Variants in RAD52 observed in about 807,000 individuals in gnomAD.
RAD52 encodes RAD52 DNA repair protein, also known as DNA repair protein RAD52 homolog.
RAD52 carries 47 observed loss-of-function variants against 55.5 expected under a neutral mutation model. That is an observed-to-expected ratio of 0.85 (90% confidence interval 0.67 to 1.08). The LOEUF is 1.08. RAD52 is among the 50% of genes least tolerant of loss of function. The probability of loss-of-function intolerance (pLI) is 0.00; values close to 1 mark genes in which losing one functional copy is unlikely to be tolerated. For synonymous variants in RAD52, 184 were observed against 198.9 expected (o/e 0.92, Z 0.63); for missense variants, 468 against 522.8 (o/e 0.90, Z 1.02).
rs1229652871 is a variant in RAD52 at position 985,534 on chromosome 12, T to G, written c.-19+4275A>C. On this transcript the variant is annotated intron_variant, in intron 1 of 11. Coordinates refer to the RAD52 transcript ENST00000430095. ...AGCCATGAAGATTTATACCTATATT[T>G]TCTTCTATGAGTATTTTAGCTTAAG... is the stretch of plus-strand genomic sequence containing the variant. Among the ~76,000 whole-genome samples, 3 of 152,218 alleles carry G rather than the reference T, an allele frequency of 2.0e-5. No homozygotes were observed. The East Asian group carries it at 5.8e-4, about 29-fold the overall frequency.
At chr12:954,863 C>G (rs1958583595) in intron 1 of RAD52, among the ~76,000 whole-genome samples, 2 of 152,156 alleles carry the variant, frequency 1.3e-5, no homozygotes, top group African/African-American at 4.8e-5. Context: ...AGGGACATAT[C>G]TAAAGCATTC....
intron 1 of RAD52, among the ~76,000 whole-genome samples, chr12:966,093 C>T (rs1306139746): frequency 6.6e-6 from 1 of 152,062 alleles, no homozygotes; most frequent in South Asian, 2.1e-4. Context: ...CCTCCCAACT[C>T]AGCCTCTGGA....
chr12:986,262 T>C (rs1043834157), intron 1 of RAD52, among the ~76,000 whole-genome samples: 2 of 151,394 alleles, frequency 1.3e-5, no homozygotes, highest in East Asian at 3.9e-4. Flanking sequence ...CAGGGTCTCG[T>C]TATGTTGCCC....
At chr12:932,812 CTCACACACGTACTAG>C (rs1565672948) in intron 2 of RAD52, among the ~76,000 whole-genome samples, 148 bp downstream of exon 2, 1 of 27,508 alleles carries the variant, frequency 3.6e-5, no homozygotes, top group East Asian at 8.6e-4. Context: ...CTAGGTACTG[CTCACACACGTACTAG>C]GTAAACGTAC....
chr12:941,387 C>T (rs1029020193), intron 1 of RAD52, among the ~76,000 whole-genome samples: 3 of 151,842 alleles, frequency 2.0e-5, no homozygotes, highest in Admixed American at 6.6e-5. Flanking sequence ...GGCACCATCT[C>T]GGCTCACTGC....
intron 6 of RAD52, 40 bp downstream of exon 6, chr12:927,105 G>T: frequency 6.3e-7 from 1 of 1,582,880 alleles, no homozygotes; most frequent in Non-Finnish European, 8.7e-7. Context: ...TGAAGCAAGA[G>T]CTGAAATGAC....
chr12:945,275 C>T (rs1348159829), intron 1 of RAD52, among the ~76,000 whole-genome samples: 2 of 151,264 alleles, frequency 1.3e-5, no homozygotes, highest in African/African-American at 4.9e-5. Flanking sequence ...CGCTTGAATC[C>T]AGGAGGCGAA....
chr12:944,776 T>TTTG (rs1565689353), intron 1 of RAD52, among the ~76,000 whole-genome samples: 5 of 150,652 alleles, frequency 3.3e-5, no homozygotes, highest in African/African-American at 4.9e-5. Flanking sequence ...CTTTCTTTTT[T>TTTG]TTTTTTTTTG....
At chr12:950,072 C>G (rs1394392951), upstream of RAD52, among the ~76,000 whole-genome samples, 1 of 152,226 alleles carries the variant, frequency 6.6e-6, no homozygotes, top group Non-Finnish European at 1.5e-5. Context: ...GCCCGCCCAC[C>G]CATGCACAAT....
At chr12:948,581 C>G (rs1186963819) in intron 1 of RAD52, among the ~76,000 whole-genome samples, 1 of 152,152 alleles carries the variant, frequency 6.6e-6, no homozygotes, top group Non-Finnish European at 1.5e-5. Flanking sequence ...TCGCTTGAAC[C>G]CAGGAGGCGG....
At chr12:972,267 T>TAC (rs151263363) in intron 1 of RAD52, among the ~76,000 whole-genome samples, 1,543 of 152,174 alleles carry the variant, frequency 0.01, 9 homozygotes, top group African/African-American at 0.021. Context: ...GCAAGCATAG[T>TAC]ACACACACAC....
intron 1 of RAD52, among the ~76,000 whole-genome samples, chr12:961,155 C>T (rs939607771): frequency 6.6e-6 from 1 of 151,096 alleles, no homozygotes; most frequent in Non-Finnish European, 1.5e-5. Context: ...ACTAAAAGTA[C>T]AAAAATTAGC....
At chr12:974,778 T>C (rs1184138120) in intron 1 of RAD52, 1 of 152,244 alleles carries the variant, frequency 6.6e-6, no homozygotes, top group East Asian at 1.9e-4. Flanking sequence ...ATACTTATAA[T>C]AACTTTACAA....
At chr12:979,797 C>T (rs1461126202) in intron 1 of RAD52, among the ~76,000 whole-genome samples, 5 of 152,118 alleles carry the variant, frequency 3.3e-5, no homozygotes, top group Admixed American at 3.3e-4. Context: ...CCTGTAATCC[C>T]AGCACTTTGG....
rs149037184 is a variant in RAD52, at chr12:972,176, C to T, written c.-19+17633G>A. On this transcript the variant is annotated intron_variant, in intron 1 of 11. Transcript: ENST00000430095. ...TGCTCTTCAAGTGCCTATTACGTTC[C>T]AAGCACTAGGGGTGAAACAGGTAAT... Among the ~76,000 whole-genome samples, 277 of 152,178 alleles carry T rather than the reference C, an allele frequency of 1.8e-3. 2 individuals are homozygous for T. Among genetic ancestry groups the T allele is most frequent in the South Asian group, 2.1e-3 (10 of 4,816 alleles).
intron 1 of RAD52, among the ~76,000 whole-genome samples, chr12:957,959 G>T (rs928809526): frequency 7.2e-5 from 11 of 152,334 alleles, no homozygotes; most frequent in African/African-American, 2.6e-4. Flanking sequence ...GCTCACCAGG[G>T]CGGTCTCGCC....
intron 1 of RAD52, among the ~76,000 whole-genome samples, chr12:983,667 G>A (rs1054332954): frequency 6.6e-6 from 1 of 152,132 alleles, no homozygotes; most frequent in Non-Finnish European, 1.5e-5. Flanking sequence ...TGGTCCACCT[G>A]CCTTGGCCTC....
intron 1 of RAD52, among the ~76,000 whole-genome samples, chr12:964,965 G>T (rs61917207): frequency 0.19 from 29,357 of 151,208 alleles, 3,116 homozygotes; most frequent in East Asian, 0.35. Flanking sequence ...CCGCCTGCCT[G>T]CCTTCCTTCC....
At chr12:972,794 G>A (rs1230900937) in intron 1 of RAD52, among the ~76,000 whole-genome samples, 1 of 145,668 alleles carries the variant, frequency 6.9e-6, no homozygotes, top group Non-Finnish European at 1.5e-5. Flanking sequence ...AAAAAGGGCC[G>A]CTCTTGAGGT....
Sources: allele counts gnomAD v4.1 joint callset (sites outside exome capture counted in the v4.1 genomes callset), GRCh38; gene constraint gnomAD v4.1.1; transcripts MANE v1.5; gene names NCBI Gene and HGNC (gene_info 2026-07-23, HGNC 2026-07-21).